Variants in CTNNA2 observed in about 807,000 individuals in gnomAD.
The protein encoded by CTNNA2 is catenin alpha 2, also known as catenin alpha-2.
CTNNA2 carries 42 observed loss-of-function variants against 101.0 expected under a neutral mutation model. That is an observed-to-expected ratio of 0.42 (90% CI 0.32 to 0.54). CTNNA2 has a LOEUF of 0.54. Ranked by LOEUF, CTNNA2 falls within the 20% of genes least tolerant of loss-of-function variation. CTNNA2 has a pLI of 0.14. For missense variants in CTNNA2, 871 were observed against 1,223.1 expected, an observed-to-expected ratio of 0.71 and a Z score of 4.29; for synonymous variants, 450 against 456.4, an observed-to-expected ratio of 0.99 and a Z score of 0.18.
chr2:80,425,756 C>G (rs1263259807), intron 9 of CTNNA2, among the ~76,000 whole-genome samples: 3 of 151,788 alleles, frequency 2.0e-5, no homozygotes. Context: ...GTTTGACATT[C>G]ATAAAAATAG....
chr2:79,622,757 C>A (rs1458938509), intron 1 of CTNNA2, among the ~76,000 whole-genome samples: 1 of 152,120 alleles, frequency 6.6e-6, no homozygotes, highest in African/African-American at 2.4e-5. Flanking sequence ...TCTTCTTTCC[C>A]AGCCTTCTGG....
At chr2:80,404,902 C>A (rs908796354) in intron 8 of CTNNA2, among the ~76,000 whole-genome samples, 3 of 152,194 alleles carry the variant, frequency 2.0e-5, no homozygotes, top group Non-Finnish European at 4.4e-5. Context: ...AAACTGATTT[C>A]TCTTCCTATG....
At chr2:80,289,792 A>G (rs551110783) in intron 7 of CTNNA2, among the ~76,000 whole-genome samples, 1 of 152,236 alleles carries the variant, frequency 6.6e-6, no homozygotes, top group East Asian at 2.0e-4. Context: ...ACGGTAGGGA[A>G]AAAAGTCAAC....
At chr2:80,016,096 G>A (rs1341444646) in intron 7 of CTNNA2, among the ~76,000 whole-genome samples, 2 of 152,146 alleles carry the variant, frequency 1.3e-5, no homozygotes, top group Non-Finnish European at 1.5e-5. Context: ...AATAAAAAGA[G>A]GCTTTATTGG....
intron 6 of CTNNA2, among the ~76,000 whole-genome samples, chr2:79,877,969 C>T (rs1433886081): frequency 1.3e-5 from 2 of 152,178 alleles, no homozygotes; most frequent in East Asian, 1.9e-4. Flanking sequence ...CCTTCCCTTG[C>T]CCCCACCCCG....
chr2:80,648,183 TAACTC>T lies in CTNNA2; in HGVS notation c.*312_*316del, dbSNP rs1674315028. 5.0e-6 allele frequency: 1 copy of T among 198,258 alleles called. No individual in the cohort carries two copies. The allele number at this position is 198,258 out of a possible 1,614,324, so 12.3% of individuals were successfully genotyped here. On this transcript the variant is annotated 3_prime_UTR_variant, in exon 19 of 19. Transcript: ENST00000402739. ...GTGGGAGGGATGGGGAAAATAAACT[TAACTC>T]TACAAAAGCAAACTCTAATGCATGC... is the stretch of plus-strand genomic sequence containing the variant.
intron 7 of CTNNA2, among the ~76,000 whole-genome samples, chr2:80,264,673 G>A (rs888951055): frequency 6.6e-6 from 1 of 151,926 alleles, no homozygotes; most frequent in Non-Finnish European, 1.5e-5. Context: ...CTCTAGGGTG[G>A]GATACTATTA....
chr2:80,522,211 G>A (rs1004014801), intron 9 of CTNNA2, among the ~76,000 whole-genome samples: 5 of 152,170 alleles, frequency 3.3e-5, no homozygotes, highest in African/African-American at 9.7e-5. Context: ...GAGAGAGTCA[G>A]CTCTGTCAGG....
intron 7 of CTNNA2, among the ~76,000 whole-genome samples, chr2:79,929,227 A>G (rs996997563): frequency 1.3e-5 from 2 of 152,196 alleles, no homozygotes; most frequent in African/African-American, 4.8e-5. Flanking sequence ...GGGGAAATTT[A>G]TAGTAGTAAT....
chr2:80,455,028 C>T (rs1359441816), intron 9 of CTNNA2, among the ~76,000 whole-genome samples: 1 of 152,206 alleles, frequency 6.6e-6, no homozygotes, highest in Non-Finnish European at 1.5e-5. Context: ...AGGCTGCATC[C>T]CTCATGACAG....
chr2:80,007,102 C>T (rs1009763078), intron 7 of CTNNA2, among the ~76,000 whole-genome samples: 1 of 152,058 alleles, frequency 6.6e-6, no homozygotes, highest in Non-Finnish European at 1.5e-5. Flanking sequence ...ATTTGGAAGC[C>T]TGAATTCATA....
At chr2:80,463,732 C>T (rs1205153949) in intron 9 of CTNNA2, among the ~76,000 whole-genome samples, 1 of 152,026 alleles carries the variant, frequency 6.6e-6, no homozygotes, top group Non-Finnish European at 1.5e-5. Flanking sequence ...TGCTATTTTA[C>T]AGTCAATAAA....
intron 7 of CTNNA2, among the ~76,000 whole-genome samples, chr2:80,324,484 G>A (rs1006155): frequency 0.16 from 23,580 of 152,102 alleles, 1,874 homozygotes; most frequent in Middle Eastern, 0.2. Context: ...AAGATTTCAT[G>A]TACAACACAA....
At chr2:79,208,844 C>T (rs1674133815) in intron 2 of CTNNA2, among the ~76,000 whole-genome samples, 1 of 152,086 alleles carries the variant, frequency 6.6e-6, no homozygotes, top group Non-Finnish European at 1.5e-5. Context: ...ATGGATTCAT[C>T]AGGAATGAAT....
At chr2:80,195,431 A>AAATTG (rs1481368513) in intron 7 of CTNNA2, among the ~76,000 whole-genome samples, 6 of 152,176 alleles carry the variant, frequency 3.9e-5, no homozygotes, top group Non-Finnish European at 8.8e-5. Flanking sequence ...TTTGAAAGGT[A>AAATTG]AAATAAACAA....
Position 80,135,541 on chromosome 2 carries a change from G to T in CTNNA2, c.1056+225744G>T, listed in dbSNP as rs114036083. ...CCACGTCTCTTTTCTGCCCTCTCAG[G>T]GTGCAGGGAAGCATCATTGTACACT... On this transcript the variant is annotated intron_variant, in intron 7 of 18. Coordinates refer to ENST00000402739, the MANE Select transcript of CTNNA2 (RefSeq NM_001282597.3). Among the ~76,000 whole-genome samples, 349 of 152,260 alleles carry T rather than the reference G, an allele frequency of 2.3e-3. 1 individual carries two copies. The highest frequency in any genetic ancestry group is 4.3e-3 in the Admixed American group (66 of 15,290).
chr2:80,608,426 G>A, intron 17 of CTNNA2, 108 bp downstream of exon 17: 4 of 1,177,810 alleles, frequency 3.4e-6, no homozygotes, highest in African/African-American at 1.5e-5. Flanking sequence ...GTGATTTATA[G>A]GGAGGGCTTT....
intron 2 of CTNNA2, among the ~76,000 whole-genome samples, chr2:79,738,522 G>C (rs1345558055): frequency 6.6e-6 from 1 of 152,176 alleles, no homozygotes; most frequent in African/African-American, 2.4e-5. Flanking sequence ...AGGAGGGATA[G>C]AGATAAAGAT....
intron 3 of CTNNA2, among the ~76,000 whole-genome samples, chr2:79,352,276 T>C (rs1290702497): frequency 6.6e-6 from 1 of 152,148 alleles, no homozygotes; most frequent in East Asian, 1.9e-4. Flanking sequence ...GTTATTGGTG[T>C]GTTCAGGTTT....
Sources: allele counts gnomAD v4.1 joint callset (sites outside exome capture counted in the v4.1 genomes callset), GRCh38; gene constraint gnomAD v4.1.1; transcripts MANE v1.5; gene names NCBI Gene and HGNC (gene_info 2026-07-23, HGNC 2026-07-21).